The following UBA1 variants were observed in gnomAD, a reference collection of about 807,000 sequenced individuals.
UBA1 encodes the protein ubiquitin-like modifier-activating enzyme 1.
UBA1 carries 4 observed loss-of-function variants against 84.7 expected under a neutral mutation model. That is an observed-to-expected ratio of 0.05 (90% confidence interval 0.02 to 0.11). UBA1 has a LOEUF of 0.11. Ranked by LOEUF, UBA1 falls within the 10% of genes least tolerant of loss-of-function variation. The pLI, the probability that UBA1 is intolerant of heterozygous loss-of-function variation, is 1.00. For synonymous variants in UBA1, 364 were observed against 362.6 expected (o/e 1.00, Z -0.04); for missense variants, 513 against 902.8 (o/e 0.57, Z 5.53).
rs1414026624 is a variant in UBA1 at position 47,198,227 on chromosome X, G to C, written c.1-576G>C. 5.1e-6 allele frequency: 5 copies of C among 979,287 alleles called. No individual in the cohort carries two copies. The South Asian group carries it at 1.0e-4, about 20-fold the overall frequency. 80.7% of individuals were successfully genotyped at this position (979,287 alleles called of 1,213,427 possible). On this transcript the variant is annotated intron_variant, in intron 1 of 25. Transcript: ENST00000335972. ...GATGTCCAAGCCTCACTTCCCTCCT[G>C]CACTCCCCGCTCCCGCCGCCATCCC... is the stretch of plus-strand genomic sequence containing the variant.
chrX:47,205,874 T>C, intron 14 of UBA1, 74 bp from the exon 15 acceptor site: 1 of 1,101,979 alleles, frequency 9.1e-7, no homozygotes, highest in Non-Finnish European at 1.2e-6. Flanking sequence ...AAGATGTTTG[T>C]TGGGTGAATG....
At chrX:47,197,747 C>G (rs1936254629) in intron 1 of UBA1, 1 of 505,906 alleles carries the variant, frequency 2.0e-6, no homozygotes, top group Admixed American at 8.3e-5. Context: ...AACGTGATAA[C>G]ACGAGGAAGC....
chrX:47,213,909 C>T (rs782059514), intron 23 of UBA1, among the ~76,000 whole-genome samples: 12 of 109,791 alleles, frequency 1.1e-4, no homozygotes, highest in Middle Eastern at 4.7e-3. Context: ...TACCAGGGGG[C>T]GAGGGGATGT....
At chrX:47,195,884 A>G (rs1356787879) in intron 1 of UBA1, among the ~76,000 whole-genome samples, 1 of 110,485 alleles carries the variant, frequency 9.1e-6, no homozygotes, top group African/African-American at 3.3e-5. Context: ...CTCCTCTTGC[A>G]TGTCCCTATC....
At chrX:47,194,317 A>G (rs1015547802) in intron 1 of UBA1, among the ~76,000 whole-genome samples, 2 of 112,192 alleles carry the variant, frequency 1.8e-5, no homozygotes, top group Non-Finnish European at 3.8e-5. Flanking sequence ...CGAACCTTGT[A>G]TCTCAGATCA....
chrX:47,205,097 T>C, intron 14 of UBA1: 1 of 148,839 alleles, frequency 6.7e-6, no homozygotes, highest in Non-Finnish European at 1.3e-5. Flanking sequence ...AAGGAAGGCC[T>C]GAGTTCTGCA....
chrX:47,202,865 G>A, intron 11 of UBA1, 51 bp downstream of exon 11: 1 of 1,201,065 alleles, frequency 8.3e-7, no homozygotes, highest in Non-Finnish European at 1.1e-6. Flanking sequence ...GTTCCTCCAT[G>A]ACTCTGTCAC....
At chrX:47,208,230 C>T (rs1255532589) in intron 16 of UBA1, among the ~76,000 whole-genome samples, 3 of 112,886 alleles carry the variant, frequency 2.7e-5, no homozygotes, top group Non-Finnish European at 5.6e-5. Flanking sequence ...TTGGCACAAT[C>T]ATAGCTCACT....
intron 1 of UBA1, chrX:47,197,750 G>A (rs1433351257): frequency 1.9e-6 from 1 of 512,907 alleles, no homozygotes; most frequent in Non-Finnish European, 2.4e-6. Flanking sequence ...GTGATAACAC[G>A]AGGAAGCAGC....
In UBA1 at chrX:47,208,342, T is replaced by TGC. The variant is rs1491013041; in HGVS notation, c.1939-1278_1939-1277dup. On this transcript the variant is annotated intron_variant, in intron 16 of 25. Coordinates refer to ENST00000335972, the MANE Select transcript of UBA1 (RefSeq NM_003334.4). ...GTGTGTACGTGTGTGTGTGTGTGTG[T>TGC]GCGCACGCACGCGTGCCCGTTACGT... is the stretch of plus-strand genomic sequence containing the variant. Among the ~76,000 whole-genome samples the TGC allele has an allele frequency of 5.1e-3, 544 of 105,636 alleles. 1 individual carries two copies. Among genetic ancestry groups the TGC allele is most frequent in the East Asian group, 0.028 (93 of 3,354 alleles). 91.7% of individuals were successfully genotyped at this position (105,636 alleles called of 115,157 possible). A position where few individuals can be genotyped will look rare whatever the true frequency, so the allele number is the denominator to read the frequency against.
intron 14 of UBA1, chrX:47,204,835 T>G (rs1265062036): frequency 1.8e-5 from 2 of 112,048 alleles, no homozygotes; most frequent in Non-Finnish European, 3.8e-5. Context: ...ACCCAGGATT[T>G]ATTCCCCCTT....
At chrX:47,214,246 G>T (rs1937048973) in intron 23 of UBA1, 81 bp from the exon 24 acceptor site, 1 of 863,260 alleles carries the variant, frequency 1.2e-6, no homozygotes, top group Non-Finnish European at 1.7e-6. Flanking sequence ...ACGTCTGCAT[G>T]GGGGTAGGGG....
chrX:47,195,123 C>T (rs1168510784), intron 1 of UBA1, among the ~76,000 whole-genome samples: 3 of 111,856 alleles, frequency 2.7e-5, no homozygotes, highest in Non-Finnish European at 5.6e-5. Context: ...CAGAATCTGC[C>T]CTCAGATCGT....
intron 20 of UBA1, among the ~76,000 whole-genome samples, chrX:47,211,811 C>T (rs782600189): frequency 9.1e-6 from 1 of 109,396 alleles, no homozygotes; most frequent in South Asian, 4.1e-4. Flanking sequence ...CCCATTTCCC[C>T]TTCCATGGTC....
At chrX:47,192,968 G>A (rs1936089489), upstream of UBA1, among the ~76,000 whole-genome samples, 4 of 111,833 alleles carry the variant, frequency 3.6e-5, no homozygotes, top group African/African-American at 1.3e-4. Flanking sequence ...GGGTTTGATT[G>A]GACCAAGGCA....
Position 47,202,723 on chromosome X carries a change from A to G in UBA1, c.1142A>G (p.Asp381Gly). The G allele has an allele frequency of 8.3e-7, 1 of 1,211,179 alleles. No individual in the cohort carries two copies. Among genetic ancestry groups the G allele is most frequent in the South Asian group, 1.8e-5 (1 of 56,806 alleles). ...GTGCAGCAAAATAACCTGGACGAGG[A>G]CCTCATCCGGAAGCTGGCATATGTG... ...PAVQQNNLDEDLIRKLAYVAA... is the reference protein window; with the variant it reads ...PAVQQNNLDEGLIRKLAYVAA... The change falls in exon 11 of 26, where the codon GAC (aspartate) becomes GGC (glycine). Residue 381 changes from aspartate (D) to glycine (G), a missense_variant. By Grantham distance (94) the Asp-to-Gly change is moderately conservative. This residue lies in a region of UBA1 where 227 missense variants were observed against 339.1 expected (regional missense o/e 0.67). Coordinates refer to ENST00000335972, the MANE Select transcript of UBA1 (RefSeq NM_003334.4).
At chrX:47,196,143 C>G (rs1214794839) in intron 1 of UBA1, among the ~76,000 whole-genome samples, 1 of 111,344 alleles carries the variant, frequency 9.0e-6, no homozygotes, top group African/African-American at 3.3e-5. Context: ...CCAAAAGATC[C>G]TTTTCCAGAG....
Position 47,199,503 on chromosome X carries a change from C to A in UBA1, c.369C>A (p.Ile123=), listed in dbSNP as rs200892576. Residue 123 remains isoleucine, a synonymous_variant, in exon 5 of 26, where the codon ATC becomes ATA. Transcript: ENST00000335972. ...AGTTCTACCTGCGGGAGGAGGACAT[C>A]GGTAAAAACCGGGCCGAGGTATCAC... ...SSQFYLREED[I]GKNRAEVSQP... 15 of 1,209,940 alleles carry A rather than the reference C, an allele frequency of 1.2e-5. No homozygotes were observed. The East Asian group carries it at 3.9e-4, about 31-fold the overall frequency.
At position 47,201,513 on chromosome X, in the gene UBA1, C is replaced by G; in HGVS notation, c.714C>G (p.Ala238=). 8.3e-7 allele frequency: 1 copy of G among 1,211,810 alleles called. No individual in the cohort carries two copies. Among genetic ancestry groups the G allele is most frequent in the South Asian group, 1.8e-5 (1 of 56,990 alleles). The change falls in exon 8 of 26, where the codon GCC becomes GCG. Residue 238 remains alanine, a synonymous_variant. Coordinates refer to ENST00000335972, the MANE Select transcript of UBA1 (RefSeq NM_003334.4). ...NPGVVTCLDE[A]RHGFESGDFV... is the part of the protein sequence containing the mutation. ...GTGTGGTTACCTGCCTGGATGAGGC[C>G]CGACACGGGTTTGAGAGCGGGGACT...
Sources: gnomAD v4.1 joint callset for allele counts (sites outside exome capture counted in the v4.1 genomes callset) on GRCh38, gnomAD v4.1.1 for gene constraint, gnomAD v4.1.1 regional missense constraint, MANE v1.5 for transcripts, NCBI Gene and HGNC (gene_info 2026-07-23, HGNC 2026-07-21) for gene names.